PEX5L: variants seen among roughly 807,000 people sequenced by gnomAD.
PEX5L encodes PEX5-related protein.
In PEX5L, 30 loss-of-function variants were observed where a neutral mutation model predicts 84.0. The observed-to-expected ratio is 0.36, with a 90% CI of 0.27 to 0.48. The LOEUF is 0.48. Among genes scored for constraint, PEX5L ranks in the 20% least tolerant of loss-of-function variants. PEX5L has a pLI of 0.99. For missense variants in PEX5L, 533 were observed against 754.6 expected, an observed-to-expected ratio of 0.71 and a Z score of 3.44; for synonymous variants, 270 against 283.1, an observed-to-expected ratio of 0.95 and a Z score of 0.46.
intron 1 of PEX5L, among the ~76,000 whole-genome samples, chr3:179,997,106 C>T (rs1413893493): frequency 6.6e-6 from 1 of 152,166 alleles, no homozygotes; most frequent in Non-Finnish European, 1.5e-5. Flanking sequence ...GGAAGGATCC[C>T]ACTACATCAC....
chr3:179,950,139 T>C (rs566890283), intron 2 of PEX5L, among the ~76,000 whole-genome samples: 30 of 152,302 alleles, frequency 2.0e-4, no homozygotes, highest in African/African-American at 4.6e-4. Context: ...TGCAGGCTCA[T>C]TGATGATCAG....
intron 1 of PEX5L, among the ~76,000 whole-genome samples, chr3:180,004,964 G>A (rs1450978073): frequency 6.6e-6 from 1 of 152,114 alleles, no homozygotes; most frequent in Non-Finnish European, 1.5e-5. Context: ...GTGGTGTCTA[G>A]AATACATTAA....
chr3:179,891,672 A>C (rs1757667570), intron 3 of PEX5L, among the ~76,000 whole-genome samples: 1 of 152,200 alleles, frequency 6.6e-6, no homozygotes, highest in African/African-American at 2.4e-5. Context: ...ATACCTATCT[A>C]AAATGGTCCA....
At chr3:180,006,377 A>G (rs1433163473) in intron 1 of PEX5L, among the ~76,000 whole-genome samples, 1 of 149,050 alleles carries the variant, frequency 6.7e-6, no homozygotes, top group Non-Finnish European at 1.5e-5. Flanking sequence ...TTTTTTTTTC[A>G]TTTTTACAAA....
chr3:179,905,643 A>C lies in PEX5L; in HGVS notation c.94-7397T>G, dbSNP rs1416190410. 2.7e-5 allele frequency among the ~76,000 whole-genome samples: 4 copies of C among 149,404 alleles called. No individual in the cohort carries two copies. In the South Asian group the frequency reaches 6.7e-4, roughly 25 times the overall value. On this transcript the variant is annotated intron_variant, in intron 2 of 14. Transcript: ENST00000467460. ...CAGAGTCACTGATTGGCTCCAAAGA[A>C]GTTCTTGCCATTTTTTTTTTTCCTG...
chr3:180,008,708 C>G (rs1034081882), intron 1 of PEX5L, among the ~76,000 whole-genome samples: 9 of 152,138 alleles, frequency 5.9e-5, no homozygotes, highest in Non-Finnish European at 1.3e-4. Flanking sequence ...GAAGCAAAAG[C>G]AGAAACCCCT....
chr3:180,001,241 C>T (rs1405711638), intron 1 of PEX5L, among the ~76,000 whole-genome samples: 3 of 151,718 alleles, frequency 2.0e-5, no homozygotes, highest in Non-Finnish European at 4.4e-5. Flanking sequence ...ACTGGCTCTC[C>T]TTGCTCCTCA....
intron 2 of PEX5L, among the ~76,000 whole-genome samples, chr3:179,931,149 T>C (rs1772987071): frequency 6.6e-6 from 1 of 152,226 alleles, no homozygotes; most frequent in Non-Finnish European, 1.5e-5. Context: ...AATGAATTCA[T>C]TGCATTTGAC....
intron 7 of PEX5L, among the ~76,000 whole-genome samples, chr3:179,859,881 T>A (rs1014846938): frequency 6.6e-6 from 1 of 152,122 alleles, no homozygotes; most frequent in African/African-American, 2.4e-5. Context: ...CTGTAGTTTT[T>A]AAAATGTTAT....
intron 14 of PEX5L, among the ~76,000 whole-genome samples, chr3:179,805,371 A>C (rs187975480): frequency 1.3e-5 from 2 of 152,248 alleles, no homozygotes; most frequent in Non-Finnish European, 1.5e-5. Flanking sequence ...GATTGGTTTC[A>C]TGAACCCCTG....
chr3:179,973,974 G>GA, intron 1 of PEX5L: 2 of 985,426 alleles, frequency 2.0e-6, no homozygotes, highest in Non-Finnish European at 2.4e-6. Context: ...ACCCCGGGGG[G>GA]ATTAATCCTT....
intron 2 of PEX5L, among the ~76,000 whole-genome samples, chr3:179,938,411 T>G (rs1775188086): frequency 6.6e-6 from 1 of 152,258 alleles, no homozygotes; most frequent in Admixed American, 6.5e-5. Context: ...GGCCTTGAAA[T>G]CTGGTTACTC....
At chr3:179,836,131 C>T (rs1016892863) in intron 8 of PEX5L, among the ~76,000 whole-genome samples, 11 of 152,050 alleles carry the variant, frequency 7.2e-5, no homozygotes, top group Non-Finnish European at 1.5e-4. Context: ...ATGTAAAAAC[C>T]GTTGCTCGTC....
At chr3:179,927,465 C>T (rs1230108189) in intron 2 of PEX5L, among the ~76,000 whole-genome samples, 1 of 152,128 alleles carries the variant, frequency 6.6e-6, no homozygotes, top group Non-Finnish European at 1.5e-5. Flanking sequence ...TAGCCTGTGT[C>T]ACTCAGAGAG....
At chr3:179,835,305 A>G (rs1159295505) in intron 8 of PEX5L, among the ~76,000 whole-genome samples, 7 of 152,204 alleles carry the variant, frequency 4.6e-5, no homozygotes, top group Admixed American at 3.9e-4. Context: ...ATGTTTGGAA[A>G]ATATTTCTGT....
At chr3:179,913,803 T>G (rs1766020852) in intron 2 of PEX5L, among the ~76,000 whole-genome samples, 1 of 152,196 alleles carries the variant, frequency 6.6e-6, no homozygotes, top group Admixed American at 6.5e-5. Flanking sequence ...TATTACAGAA[T>G]TCATTGTCTA....
At chr3:179,867,327 T>C (rs1201460022) in intron 7 of PEX5L, among the ~76,000 whole-genome samples, 1 of 152,176 alleles carries the variant, frequency 6.6e-6, no homozygotes, top group Non-Finnish European at 1.5e-5. Context: ...ACTTCCACAT[T>C]GTTAAATTTG....
In PEX5L at chr3:179,990,382, G is replaced by A. The variant is rs141775680; in HGVS notation, c.22-18717C>T. Among the ~76,000 whole-genome samples, 10 of 148,580 alleles carry A rather than the reference G, an allele frequency of 6.7e-5. No homozygotes were observed. The East Asian group carries it at 1.6e-3, about 24-fold the overall frequency. The stretch of plus-strand genomic sequence containing the variant: ...TTCATTAGCTCCTATTTCTCCTCAC[G>A]GTATGTCATTCTGATATCTTTTTTT... On this transcript the variant is annotated intron_variant, in intron 1 of 14. Transcript: ENST00000467460.
rs375238049 is a variant in PEX5L at position 179,803,411 on chromosome 3, A to G, written c.1677-1379T>C. 4.2e-4 allele frequency among the ~76,000 whole-genome samples: 64 copies of G among 152,318 alleles called. 2 individuals carry two copies. The highest frequency in any genetic ancestry group is 1.4e-3 in the African/African-American group (60 of 41,576). ...TAAACAAAAGCCCTTTTAGGTTCTC[A>G]ATAATTATTAAAAGTGTAGAGGGGT... On this transcript the variant is annotated intron_variant, in intron 14 of 14. Coordinates refer to ENST00000467460, the MANE Select transcript of PEX5L (RefSeq NM_016559.3).
Sources: allele counts gnomAD v4.1 joint callset (sites outside exome capture counted in the v4.1 genomes callset), GRCh38; gene constraint gnomAD v4.1.1; transcripts MANE v1.5; gene names NCBI Gene and HGNC (gene_info 2026-07-23, HGNC 2026-07-21).